Variants in TGM5 observed in about 807,000 individuals in gnomAD.
The protein encoded by TGM5 is protein-glutamine gamma-glutamyltransferase 5.
TGM5 carries 69 observed loss-of-function variants against 77.2 expected under a neutral mutation model. The observed-to-expected ratio is 0.89, with a 90% CI of 0.74 to 1.09. The LOEUF (loss-of-function observed/expected upper bound fraction) is 1.09, where lower values mean the gene tolerates loss of function less well. Ranked by LOEUF, TGM5 falls within the 50% of genes least tolerant of loss-of-function variation. The probability of loss-of-function intolerance (pLI) is 0.00; values close to 1 mark genes in which losing one functional copy is unlikely to be tolerated. For synonymous variants in TGM5, 346 were observed against 351.8 expected (o/e 0.98, Z 0.18); for missense variants, 842 against 896.5 (o/e 0.94, Z 0.78).
In TGM5 at chr15:43,233,083, G is replaced by T; in HGVS notation, c.*108C>A. ...CGTCATCCCCTCTGTGGCTCTTGCT[G>T]GAGCCCTGTGAAGCCTCTGTTGTGG... On this transcript the variant is annotated 3_prime_UTR_variant, in exon 13 of 13. Coordinates refer to ENST00000220420, the MANE Select transcript of TGM5 (RefSeq NM_201631.4). 7.3e-7 allele frequency: 1 copy of T among 1,377,016 alleles called. No individual in the cohort carries two copies. The highest frequency in any genetic ancestry group is 1.0e-6 in the Non-Finnish European group (1 of 991,224). The allele number at this position is 1,377,016 out of a possible 1,614,324, so 85.3% of individuals were successfully genotyped here.
intron 9 of TGM5, among the ~76,000 whole-genome samples, chr15:43,237,974 G>A (rs2042602529): frequency 6.6e-6 from 1 of 152,244 alleles, no homozygotes; most frequent in Admixed American, 6.5e-5. Context: ...GCCCCAGGGA[G>A]TGGGTGGTGA....
At position 43,253,610 on chromosome 15, in the gene TGM5, A is replaced by C. The variant is rs1200759709; in HGVS notation, c.580T>G (p.Cys194Gly). 2.7e-5 allele frequency: 43 copies of C among 1,613,678 alleles called. No individual in the cohort carries two copies. Among genetic ancestry groups the C allele is most frequent in the Non-Finnish European group, 3.6e-5 (42 of 1,180,032 alleles). Residue 194 changes from cysteine to glycine, a missense_variant, in exon 5 of 13, where the codon TGC becomes GGC. Coordinates refer to ENST00000220420, the MANE Select transcript of TGM5 (RefSeq NM_201631.4). Reference protein sequence around the residue: ...GQFEDKIIDICLKLLDKSLHF... With the variant: ...GQFEDKIIDIGLKLLDKSLHF... ...AGGCTCTTGTCTAGCAGCTTCAGGC[A>C]GATGTCTATGATTTTGTCTTCAAAC... is the stretch of plus-strand genomic sequence containing the variant.
chr15:43,236,925 T>C (rs970935103), intron 9 of TGM5, among the ~76,000 whole-genome samples: 4 of 144,772 alleles, frequency 2.8e-5, no homozygotes, highest in African/African-American at 1.0e-4. Flanking sequence ...GCGGAGATCA[T>C]GCTGTTGCCC....
Position 43,238,817 on chromosome 15 carries a change from CT to C in TGM5, c.1344del (p.Gly449AspfsTer10), listed in dbSNP as rs750517476. ...GAGTAGGGCTGGCTTGCTTACTTAC[CT>C]TCTTCATACTTGTAGTTCTCTGTGA... ...DDITENYKYE[E>X]GSLQERQVFL... On this transcript the variant is annotated frameshift_variant and splice_region_variant, in exon 9 of 13. Transcript: ENST00000220420. LOFTEE classifies it high-confidence loss of function. 27 of 1,613,776 alleles carry C rather than the reference CT, an allele frequency of 1.7e-5. No individual in the cohort carries two copies. The highest frequency in any genetic ancestry group is 2.1e-5 in the Non-Finnish European group (25 of 1,179,938).
At chr15:43,245,471 A>T (rs1402297916) in intron 6 of TGM5, among the ~76,000 whole-genome samples, 1 of 152,130 alleles carries the variant, frequency 6.6e-6, no homozygotes. Flanking sequence ...TCATATTTGA[A>T]CTGTTCTCTC....
Position 43,232,923 on chromosome 15 carries a change from C to G in TGM5, c.*268G>C. The G allele has an allele frequency of 2.1e-6, 1 of 470,232 alleles. No individual in the cohort carries two copies. Among genetic ancestry groups the G allele is most frequent in the Non-Finnish European group, 3.9e-6 (1 of 257,702 alleles). The allele number at this position is 470,232 out of a possible 1,614,324, so 29.1% of individuals were successfully genotyped here. ...TGGATGCTGGAGTCTCCTATTCATT[C>G]ATTCAAAAAATATTTGTTGAGTGCC... On this transcript the variant is annotated 3_prime_UTR_variant, in exon 13 of 13. Coordinates refer to ENST00000220420, the MANE Select transcript of TGM5 (RefSeq NM_201631.4).
At chr15:43,265,210 G>A (rs2042816520) in intron 1 of TGM5, among the ~76,000 whole-genome samples, 1 of 152,156 alleles carries the variant, frequency 6.6e-6, no homozygotes, top group African/African-American at 2.4e-5. Context: ...TCTCGTCTAA[G>A]GTTAAACCAG....
At chr15:43,258,751 A>C (rs2042761992) in intron 3 of TGM5, among the ~76,000 whole-genome samples, 1 of 152,056 alleles carries the variant, frequency 6.6e-6, no homozygotes. Flanking sequence ...AGCCCCCACC[A>C]ACCCTAGGCC....
rs775183503 is a variant in TGM5, at chr15:43,260,499, G to C, written c.91C>G (p.Leu31Val). 4 of 1,614,068 alleles carry C rather than the reference G, an allele frequency of 2.5e-6. No individual in the cohort carries two copies. In the South Asian group the frequency reaches 3.3e-5, roughly 13 times the overall value. Residue 31 changes from leucine (L) to valine (V), a missense_variant, in exon 2 of 13, where the codon CTG (leucine) becomes GTG (valine). Leu to Val is a conservative substitution (Grantham distance 32). Around this residue, in one of 2 missense-constraint regions of TGM5, gnomAD observed 815 missense variants for 844.6 expected, o/e 0.96. Coordinates refer to ENST00000220420, the MANE Select transcript of TGM5 (RefSeq NM_201631.4). ...AAGGCCTGGCCCCGGCGAACAAGCA[G>C]GTGGTCCACAGTGATCTCCTCCGTG... ...HHTEEITVDH[L>V]LVRRGQAFNL...
intron 3 of TGM5, among the ~76,000 whole-genome samples, chr15:43,257,843 G>C (rs528749759): frequency 1.3e-5 from 2 of 152,228 alleles, no homozygotes; most frequent in East Asian, 3.9e-4. Context: ...GTCCATCAAT[G>C]ATAGACTGGA....
At chr15:43,259,936 G>T in intron 3 of TGM5, 116 bp downstream of exon 3, 1 of 1,457,742 alleles carries the variant, frequency 6.9e-7, no homozygotes, top group Non-Finnish European at 9.5e-7. Context: ...GCTGAGTGCA[G>T]GGAATTGAGG....
chr15:43,242,058 G>A (rs2042640872), intron 6 of TGM5, among the ~76,000 whole-genome samples: 1 of 150,740 alleles, frequency 6.6e-6, no homozygotes, highest in Non-Finnish European at 1.5e-5. Flanking sequence ...GTATCTACCA[G>A]CTGGGCATAG....
At chr15:43,265,841 C>T (rs1335072439) in intron 1 of TGM5, among the ~76,000 whole-genome samples, 2 of 152,142 alleles carry the variant, frequency 1.3e-5, no homozygotes, top group Non-Finnish European at 2.9e-5. Flanking sequence ...TGCACTGATA[C>T]TATGAGAAAT....
Position 43,235,619 on chromosome 15 carries a change from C to T in TGM5, c.1564G>A (p.Asp522Asn). The change falls in exon 10 of 13, where the codon GAT (aspartate) becomes AAT (asparagine). Residue 522 changes from aspartate to asparagine, a missense_variant. By Grantham distance (23) the Asp-to-Asn change is conservative (BLOSUM62 1). Around this residue, in one of 2 missense-constraint regions of TGM5, gnomAD observed 815 missense variants for 844.6 expected, o/e 0.96. Transcript: ENST00000220420. ...AGGGCCAGCAGGACAAAGCATATATCCTGGCCCATGTTGGGCGGGTCGAGC... is the reference window on the plus strand; with the variant it reads ...AGGGCCAGCAGGACAAAGCATATATTCTGGCCCATGTTGGGCGGGTCGAGC... Reference protein sequence around the residue: ...KLLDPPNMGQDICFVLLALNM... With the variant: ...KLLDPPNMGQNICFVLLALNM... The T allele has an allele frequency of 6.2e-7, 1 of 1,614,142 alleles. No individual in the cohort carries two copies. Among genetic ancestry groups the T allele is most frequent in the Non-Finnish European group, 8.5e-7 (1 of 1,180,034 alleles).
chr15:43,261,045 G>A (rs1417062303), intron 1 of TGM5, among the ~76,000 whole-genome samples: 1 of 145,644 alleles, frequency 6.9e-6, no homozygotes, highest in Non-Finnish European at 1.5e-5. Flanking sequence ...TAACTCCTTG[G>A]GCTAGCTGCT....
At chr15:43,247,735 T>C (rs1240091421) in intron 6 of TGM5, 1 of 152,186 alleles carries the variant, frequency 6.6e-6, no homozygotes, top group African/African-American at 2.4e-5. Context: ...AGTTACAGAT[T>C]TCTTTGTTCC....
At chr15:43,243,314 C>T (rs2042651043) in intron 6 of TGM5, among the ~76,000 whole-genome samples, 1 of 152,206 alleles carries the variant, frequency 6.6e-6, no homozygotes, top group Non-Finnish European at 1.5e-5. Flanking sequence ...AATCTTTTGC[C>T]TGTTCTGGTG....
At chr15:43,260,743 G>C in intron 1 of TGM5, 164 bp from the exon 2 acceptor site, 1 of 776,332 alleles carries the variant, frequency 1.3e-6, no homozygotes, top group Non-Finnish European at 2.2e-6. Context: ...ATGAGGATAA[G>C]GATGAGGATT....
chr15:43,251,796 T>A (rs2042705461), intron 6 of TGM5, among the ~76,000 whole-genome samples: 1 of 152,210 alleles, frequency 6.6e-6, no homozygotes, highest in Non-Finnish European at 1.5e-5. Flanking sequence ...CATCTCCTCC[T>A]CTTGTCACCC....
Sources: allele counts gnomAD v4.1 joint callset (sites outside exome capture counted in the v4.1 genomes callset), GRCh38; gene constraint gnomAD v4.1.1; regional missense constraint gnomAD v4.1.1; transcripts MANE v1.5; gene names NCBI Gene and HGNC (gene_info 2026-07-23, HGNC 2026-07-21).